The following NCKAP5 variants were observed in gnomAD, a reference collection of about 807,000 sequenced individuals.
NCKAP5 encodes nck-associated protein 5.
NCKAP5 carries 92 observed loss-of-function variants against 167.0 expected under a neutral mutation model. The observed-to-expected ratio is 0.55, with a 90% CI of 0.47 to 0.66. The LOEUF (loss-of-function observed/expected upper bound fraction) is 0.66, where lower values mean the gene tolerates loss of function less well. Among genes scored for constraint, NCKAP5 ranks in the 30% least tolerant of loss-of-function variants. The pLI, the probability that NCKAP5 is intolerant of heterozygous loss-of-function variation, is 0.00. For missense variants in NCKAP5, 2,378 were observed against 2,315.0 expected, an observed-to-expected ratio of 1.03 and a Z score of -0.56; for synonymous variants, 891 against 877.4, an observed-to-expected ratio of 1.02 and a Z score of -0.27.
In NCKAP5 at chr2:132,731,966, G is replaced by A. The variant is rs2105486900; in HGVS notation, c.5214C>T (p.Tyr1738=). The A allele has an allele frequency of 6.2e-7, 1 of 1,613,916 alleles. No homozygotes were observed. The highest frequency in any genetic ancestry group is 2.2e-5 in the East Asian group (1 of 44,846). The change falls in exon 17 of 20, where the codon TAC becomes TAT. Residue 1738 remains tyrosine (Y), a synonymous_variant. Transcript: ENST00000409261. The part of the protein sequence containing the change: ...PDSGNRSTGR[Y]LCQPDSPEDA... ...CCTCTGGGGAGTCTGGCTGGCATAGGTAGCGTCCTGTCGAGCGATTTCCCG... is the reference window on the plus strand; with the variant it reads ...CCTCTGGGGAGTCTGGCTGGCATAGATAGCGTCCTGTCGAGCGATTTCCCG...
chr2:133,028,590 G>T (rs535651757), intron 6 of NCKAP5, among the ~76,000 whole-genome samples: 1 of 152,202 alleles, frequency 6.6e-6, no homozygotes, highest in Non-Finnish European at 1.5e-5. Flanking sequence ...CTATTTATAA[G>T]TGAGAACCAC....
intron 3 of NCKAP5, among the ~76,000 whole-genome samples, chr2:133,385,634 C>A (rs1181638276): frequency 6.6e-6 from 1 of 152,202 alleles, no homozygotes; most frequent in Non-Finnish European, 1.5e-5. Flanking sequence ...ACCAGCCCCT[C>A]CTTGTACCTC....
intron 16 of NCKAP5, among the ~76,000 whole-genome samples, chr2:132,751,948 T>C (rs1680150928): frequency 6.6e-6 from 1 of 152,222 alleles, no homozygotes; most frequent in Non-Finnish European, 1.5e-5. Flanking sequence ...GACCATTTCA[T>C]CTGAGTTCCC....
At chr2:132,707,563 A>C (rs1310702756) in intron 19 of NCKAP5, among the ~76,000 whole-genome samples, 1 of 151,990 alleles carries the variant, frequency 6.6e-6, no homozygotes, top group East Asian at 1.9e-4. Flanking sequence ...CCCTCCCCCA[A>C]CCCCAGGACC....
intron 6 of NCKAP5, among the ~76,000 whole-genome samples, chr2:133,016,976 G>A (rs1314100691): frequency 6.6e-6 from 1 of 152,156 alleles, no homozygotes; most frequent in Non-Finnish European, 1.5e-5. Flanking sequence ...TAATGGTAAA[G>A]GGCAAGGAAA....
At chr2:132,697,100 C>T (rs1000664792) in intron 19 of NCKAP5, among the ~76,000 whole-genome samples, 1 of 151,890 alleles carries the variant, frequency 6.6e-6, no homozygotes, top group South Asian at 2.1e-4. Flanking sequence ...ATTCCCCAGG[C>T]TGGTCTCAAA....
chr2:133,259,794 G>A (rs145676857), intron 4 of NCKAP5, among the ~76,000 whole-genome samples: 1 of 152,220 alleles, frequency 6.6e-6, no homozygotes, highest in African/African-American at 2.4e-5. Flanking sequence ...TTTGGGGTCT[G>A]TTAAGTGCCA....
chr2:132,778,914 A>G (rs1159808554), intron 15 of NCKAP5, among the ~76,000 whole-genome samples: 1 of 152,186 alleles, frequency 6.6e-6, no homozygotes, highest in Non-Finnish European at 1.5e-5. Context: ...GAAATTAGTA[A>G]TTTTAGCCCA....
At chr2:133,144,515 T>C (rs1438550435) in intron 5 of NCKAP5, among the ~76,000 whole-genome samples, 1 of 152,138 alleles carries the variant, frequency 6.6e-6, no homozygotes, top group Admixed American at 6.6e-5. Context: ...GTCTTCTTAC[T>C]GTTAAGAAAC....
chr2:133,084,785 C>T (rs1290941770), intron 6 of NCKAP5, among the ~76,000 whole-genome samples: 1 of 152,182 alleles, frequency 6.6e-6, no homozygotes, highest in Non-Finnish European at 1.5e-5. Context: ...ATCCTACATG[C>T]TTAGCTGATA....
chr2:133,392,872 T>G (rs1687505842), intron 3 of NCKAP5, among the ~76,000 whole-genome samples: 1 of 152,168 alleles, frequency 6.6e-6, no homozygotes, highest in Non-Finnish European at 1.5e-5. Flanking sequence ...ATCATGTGTA[T>G]TACTGAATCA....
Position 133,477,752 on chromosome 2 carries a change from TG to T in NCKAP5, c.69+39705del, listed in dbSNP as rs574999588. ...TCATTTTTTTCTTCTTGTGATGATG[TG>T]ATAACTTAGGCTACTAAGTGACTCA... is the stretch of plus-strand genomic sequence containing the variant. On this transcript the variant is annotated intron_variant, in intron 3 of 19. Transcript: ENST00000409261. 1.7e-3 allele frequency among the ~76,000 whole-genome samples: 253 copies of T among 152,302 alleles called. 3 individuals carry two copies. Among genetic ancestry groups the T allele is most frequent in the African/African-American group, 5.9e-3 (244 of 41,568 alleles).
At chr2:133,640,768 C>A in the NCKAP5 span, among the ~76,000 whole-genome samples, 1 of 152,128 alleles carries the variant, frequency 6.6e-6, no homozygotes. Flanking sequence ...AAATGAAAAT[C>A]TCTTAAAGAA....
chr2:133,657,152 A>G, the NCKAP5 span, among the ~76,000 whole-genome samples: 3 of 152,200 alleles, frequency 2.0e-5, no homozygotes, highest in Admixed American at 6.5e-5. Context: ...AATTCTCCCA[A>G]TGCCACCACC....
chr2:133,198,232 GT>G (rs1416905841), intron 5 of NCKAP5, among the ~76,000 whole-genome samples: 3 of 152,056 alleles, frequency 2.0e-5, no homozygotes, highest in Non-Finnish European at 4.4e-5. Context: ...AAAAAGTGTG[GT>G]GCAAACATAC....
intron 19 of NCKAP5, among the ~76,000 whole-genome samples, chr2:132,704,641 C>A (rs1176709783): frequency 6.6e-6 from 1 of 152,190 alleles, no homozygotes; most frequent in African/African-American, 2.4e-5. Flanking sequence ...ATTGAGTCTA[C>A]CAATGTTTTA....
At chr2:133,468,754 C>A (rs1046855338) in intron 3 of NCKAP5, among the ~76,000 whole-genome samples, 1 of 152,212 alleles carries the variant, frequency 6.6e-6, no homozygotes, top group Non-Finnish European at 1.5e-5. Context: ...GATCCCTTTA[C>A]CATTATGTAA....
chr2:133,080,776 A>C (rs2080776153), intron 6 of NCKAP5, among the ~76,000 whole-genome samples: 1 of 152,192 alleles, frequency 6.6e-6, no homozygotes, highest in South Asian at 2.1e-4. Flanking sequence ...AAATGTAAAA[A>C]TTAGCCGAAA....
chr2:133,585,134 C>A, the NCKAP5 span, among the ~76,000 whole-genome samples: 1 of 152,088 alleles, frequency 6.6e-6, no homozygotes, highest in Non-Finnish European at 1.5e-5. Context: ...TAAATATATA[C>A]AGTAAAAATA....
Sources: gnomAD v4.1 joint callset for allele counts (sites outside exome capture counted in the v4.1 genomes callset) on GRCh38, gnomAD v4.1.1 for gene constraint, MANE v1.5 for transcripts, NCBI Gene and HGNC (gene_info 2026-07-23, HGNC 2026-07-21) for gene names.